Variants in MUC3A observed in about 807,000 individuals in gnomAD.
MUC3A encodes mucin-3A.
MUC3A carries 109 observed loss-of-function variants against 109.0 expected under a neutral mutation model. The ratio of observed to expected loss-of-function variants is 1.00; its 90% CI spans 0.86 to 1.17. The LOEUF (loss-of-function observed/expected upper bound fraction) is 1.17. Among genes scored for constraint, MUC3A ranks in the 50% most tolerant of loss-of-function variants. The probability of loss-of-function intolerance (pLI) is 0.00; values close to 1 mark genes in which losing one functional copy is unlikely to be tolerated. For missense variants in MUC3A, 3,537 were observed against 2,469.4 expected (o/e 1.43, Z -9.16); for synonymous variants, 1,398 against 981.4 (o/e 1.42, Z -7.93).
chr7:100,964,966 G>A (rs145676439), intron 6 of MUC3A, 123 bp downstream of exon 6: 3,617 of 1,413,050 alleles, frequency 2.6e-3, no homozygotes, highest in Non-Finnish European at 2.8e-3. Context: ...TTGGGAGAAG[G>A]GGAATAAGTC....
At position 100,956,759 on chromosome 7, in the gene MUC3A, A is replaced by C. The variant is rs925604745; in HGVS notation, c.4980A>C (p.Thr1660=). The part of the protein sequence containing the change: ...TRSLLTSFPV[T]HSFSSSMSAS... ...CCCTCCTGACAAGCTTTCCAGTGAC[A>C]CATTCATTTTCCTCTTCCATGTCTG... The change falls in exon 2 of 12, where the codon ACA becomes ACC. Residue 1660 remains threonine, a synonymous_variant. Coordinates refer to ENST00000379458, the MANE Select transcript of MUC3A (RefSeq NM_005960.2). The C allele has an allele frequency of 2.6e-6, 1 of 386,200 alleles. No individual in the cohort carries two copies. The highest frequency in any genetic ancestry group is 2.3e-5 in the African/African-American group (1 of 42,950). 23.9% of individuals were successfully genotyped at this position (386,200 alleles called of 1,614,324 possible).
chr7:100,958,209 T>A lies in MUC3A; in HGVS notation c.6430T>A (p.Phe2144Ile). Residue 2144 changes from phenylalanine to isoleucine, a missense_variant, in exon 2 of 12, where the codon TTC (phenylalanine) becomes ATC (isoleucine). By Grantham distance (21) the Phe-to-Ile change is conservative. Coordinates refer to ENST00000379458, the MANE Select transcript of MUC3A (RefSeq NM_005960.2). Reference sequence around the variant, plus strand: ...GAACGCCACACACAGTACTCCCAACTTCACTTCTTCAATCACCACCACCGA... The same window carrying A: ...GAACGCCACACACAGTACTCCCAACATCACTTCTTCAATCACCACCACCGA... ...TENATHSTPN[F>I]TSSITTTETT... The A allele has an allele frequency of 2.7e-6, 2 of 745,504 alleles. No individual in the cohort carries two copies. 46.2% of individuals were successfully genotyped at this position (745,504 alleles called of 1,614,324 possible).
Position 100,963,805 on chromosome 7 carries a change from G to C in MUC3A, c.9233+53G>C, listed in dbSNP as rs536620303. 6.3e-6 allele frequency: 10 copies of C among 1,595,082 alleles called. No individual in the cohort carries two copies. In the South Asian group the frequency reaches 1.1e-4, roughly 18 times the overall value. ...GCGGTGTTGGGTGGGGGAAATGTGC[G>C]CACACAAAAAACCCATTCCTTTCTT... On this transcript the variant is annotated intron_variant, in intron 5 of 11. Coordinates refer to ENST00000379458, the MANE Select transcript of MUC3A (RefSeq NM_005960.2).
chr7:100,957,949 C>T lies in MUC3A; in HGVS notation c.6170C>T (p.Pro2057Leu), dbSNP rs1792146121. ...ACCGAGACCACATCCCACAGTACTC[C>T]CAGCTTCACTTCATTGATCACCATC... ...ITTETTSHST[P>L]SFTSLITITE... is the part of the protein sequence containing the mutation. The change falls in exon 2 of 12, where the codon CCC becomes CTC. Residue 2057 changes from proline (P) to leucine (L), a missense_variant. By Grantham distance (98) the Pro-to-Leu change is moderately conservative. Coordinates refer to ENST00000379458, the MANE Select transcript of MUC3A (RefSeq NM_005960.2). The T allele has an allele frequency of 2.5e-6, 2 of 795,160 alleles. No individual in the cohort carries two copies. Among genetic ancestry groups the T allele is most frequent in the East Asian group, 2.4e-5 (1 of 41,330 alleles). 49.3% of individuals were successfully genotyped at this position (795,160 alleles called of 1,614,324 possible). A position where few individuals can be genotyped will look rare whatever the true frequency, so the allele number is the denominator to read the frequency against.
Position 100,952,144 on chromosome 7 carries a change from A to T in MUC3A, c.365A>T (p.Tyr122Phe). 1 of 1,598,554 alleles carries T rather than the reference A, an allele frequency of 6.3e-7. No homozygotes were observed. ...VETTPPTVLV[Y>F]SATTECVYPT... ...ACCACTCCACCCACCGTGTTGGTCT[A>T]TTCAGCCACCACTGAGTGCGTGTAT... The change falls in exon 2 of 12, where the codon TAT becomes TTT. Residue 122 changes from tyrosine to phenylalanine, a missense_variant. Coordinates refer to ENST00000379458, the MANE Select transcript of MUC3A (RefSeq NM_005960.2).
Position 100,960,204 on chromosome 7 carries a change from A to T in MUC3A, c.8425A>T (p.Thr2809Ser). 6.3e-7 allele frequency: 1 copy of T among 1,594,352 alleles called. No individual in the cohort carries two copies. Among genetic ancestry groups the T allele is most frequent in the East Asian group, 2.2e-5 (1 of 44,812 alleles). ...PTTPLTVFPF[T>S]TEMVTCPTSI... ...CACCCCATTAACAGTCTTTCCCTTT[A>T]CTACCGAAATGGTCACCTGTCCTAC... The change falls in exon 2 of 12, where the codon ACT becomes TCT. Residue 2809 changes from threonine to serine, a missense_variant. Thr to Ser is a moderately conservative substitution (Grantham distance 58). Coordinates refer to ENST00000379458, the MANE Select transcript of MUC3A (RefSeq NM_005960.2).
intron 4 of MUC3A, 143 bp from the exon 5 acceptor site, chr7:100,963,545 A>C (rs1792414270): frequency 7.6e-7 from 1 of 1,308,522 alleles, no homozygotes. Flanking sequence ...TCGTCCTCCC[A>C]AAGTGTTGGG....
Position 100,965,876 on chromosome 7 carries a change from C to A in MUC3A, c.9611+10C>A, listed in dbSNP as rs773263045. 6.9e-6 allele frequency: 11 copies of A among 1,587,436 alleles called. No homozygotes were observed. In the South Asian group the frequency reaches 7.8e-5, roughly 11 times the overall value. ...GCGGTCCCACGTGTCGGTAAGGCCC[C>A]GCTCACCATCGGCATCAGCCGAGCC... On this transcript the variant is annotated intron_variant, in intron 8 of 11. Coordinates refer to ENST00000379458, the MANE Select transcript of MUC3A (RefSeq NM_005960.2).
chr7:100,958,473 A>T lies in MUC3A; in HGVS notation c.6694A>T (p.Thr2232Ser). Residue 2232 changes from threonine (T) to serine (S), a missense_variant, in exon 2 of 12, where the codon ACA becomes TCA. By Grantham distance (58) the Thr-to-Ser change is moderately conservative (BLOSUM62 1). Coordinates refer to ENST00000379458, the MANE Select transcript of MUC3A (RefSeq NM_005960.2). ...FSSSITTTET[T>S]SHSTPGFTSS... ...TTCTTCGATCACCACCACTGAGACC[A>T]CATCCCACAGTACTCCCGGCTTCAC... 1.6e-6 allele frequency: 2 copies of T among 1,257,376 alleles called. No individual in the cohort carries two copies. Among genetic ancestry groups the T allele is most frequent in the African/African-American group, 1.7e-5 (1 of 57,210 alleles). The allele number at this position is 1,257,376 out of a possible 1,614,324, so 77.9% of individuals were successfully genotyped here.
At position 100,960,887 on chromosome 7, in the gene MUC3A, G is replaced by C. The variant is rs1204437086; in HGVS notation, c.9002G>C (p.Ser3001Thr). ...GATGGCCTCAAATGCCAGTGCCCCA[G>C]CACCTTCTATGGTTCCAGTTGTGAG... The part of the protein sequence containing the change: ...QWDGLKCQCP[S>T]TFYGSSCEFA... The change falls in exon 3 of 12, where the codon AGC (serine) becomes ACC (threonine). Residue 3001 changes from serine (S) to threonine (T), a missense_variant. Ser to Thr is a moderately conservative substitution (Grantham distance 58). Transcript: ENST00000379458. 2 of 1,598,414 alleles carry C rather than the reference G, an allele frequency of 1.3e-6. No individual in the cohort carries two copies. Among genetic ancestry groups the C allele is most frequent in the Non-Finnish European group, 1.7e-6 (2 of 1,179,816 alleles).
chr7:100,964,928 G>C lies in MUC3A; in HGVS notation c.9382+85G>C, dbSNP rs587705920. Reference sequence around the variant, plus strand: ...TCAGCCAGGGGGCCACTGGGCTCAGGTGCCAGCCCTGTGGTACCTCTGGCA... The same window carrying C: ...TCAGCCAGGGGGCCACTGGGCTCAGCTGCCAGCCCTGTGGTACCTCTGGCA... On this transcript the variant is annotated intron_variant, in intron 6 of 11. Transcript: ENST00000379458. 154 of 1,491,196 alleles carry C rather than the reference G, an allele frequency of 1.0e-4. No individual in the cohort carries two copies. In the African/African-American group the frequency reaches 2.0e-3, roughly 19 times the overall value. 92.4% of individuals were successfully genotyped at this position (1,491,196 alleles called of 1,614,324 possible). A position where few individuals can be genotyped will look rare whatever the true frequency, so the allele number is the denominator to read the frequency against.
chr7:100,967,116 G>A lies in MUC3A; in HGVS notation c.9931-5G>A. The A allele has an allele frequency of 6.3e-7, 1 of 1,598,548 alleles. No homozygotes were observed. The highest frequency in any genetic ancestry group is 1.1e-5 in the South Asian group (1 of 91,092). On this transcript the variant is annotated splice_region_variant and splice_polypyrimidine_tract_variant and intron_variant, in intron 11 of 11. Transcript: ENST00000379458. ...CGTTCCCGTCCCTCACTGTGACTCT[G>A]ACAGGTGCACATCAAGAGACCCGAG...
At chr7:100,965,098 CA>C in intron 6 of MUC3A, 183 bp from the exon 7 acceptor site, 2 of 1,126,096 alleles carry the variant, frequency 1.8e-6, no homozygotes, top group Non-Finnish European at 2.5e-6. Context: ...TCGGATTATT[CA>C]GGGGAGATGA....
chr7:100,965,160 T>TC, intron 6 of MUC3A, 122 bp from the exon 7 acceptor site: 3 of 1,382,668 alleles, frequency 2.2e-6, no homozygotes, highest in Non-Finnish European at 1.9e-6. Context: ...GGGAGAGGGC[T>TC]CTCCCAGACG....
chr7:100,966,395 C>T lies in MUC3A; in HGVS notation c.9621C>T (p.Ser3207=), dbSNP rs766820756. The change falls in exon 9 of 12, where the codon TCC becomes TCT. Residue 3207 remains serine (S), a synonymous_variant. Transcript: ENST00000379458. ...CTGCGATCTCCCGCAGCTGCTACTC[C>T]ACCGACACGCACTGGTTCTCTGGCC... ...ETSGPTCRCY[S]TDTHWFSGPR... is the part of the protein sequence containing the mutation. 11 of 1,339,618 alleles carry T rather than the reference C, an allele frequency of 8.2e-6. No homozygotes were observed. In the East Asian group the frequency reaches 2.8e-4, roughly 34 times the overall value. The allele number at this position is 1,339,618 out of a possible 1,614,324, so 83.0% of individuals were successfully genotyped here. A position where few individuals can be genotyped will look rare whatever the true frequency, so the allele number is the denominator to read the frequency against.
rs1192449235 is a variant in MUC3A, at chr7:100,954,902, T to A, written c.3123T>A (p.Ser1041Arg). Residue 1041 changes from serine to arginine, a missense_variant, in exon 2 of 12, where the codon AGT becomes AGA. Ser to Arg is a moderately radical substitution (Grantham distance 110). Coordinates refer to ENST00000379458, the MANE Select transcript of MUC3A (RefSeq NM_005960.2). Reference sequence around the variant, plus strand: ...CTAATACATTATCACCACTCACCAGTAGCATTTTATCTTCTACACCTGTCC... The same window carrying A: ...CTAATACATTATCACCACTCACCAGAAGCATTTTATCTTCTACACCTGTCC... The part of the protein sequence containing the change: ...TATNTLSPLT[S>R]SILSSTPVPS... 481 of 530,270 alleles carry A rather than the reference T, an allele frequency of 9.1e-4. 1 individual carries two copies. Among genetic ancestry groups the A allele is most frequent in the Non-Finnish European group, 3.3e-5 (10 of 301,254 alleles). 32.8% of individuals were successfully genotyped at this position (530,270 alleles called of 1,614,324 possible).
At chr7:100,951,358 G>T (rs1372730162) in intron 1 of MUC3A, among the ~76,000 whole-genome samples, 1 of 152,298 alleles carries the variant, frequency 6.6e-6, no homozygotes, top group African/African-American at 2.4e-5. Flanking sequence ...GACATGGCTG[G>T]GTTCTCTCTT....
At chr7:100,963,654 T>G in intron 4 of MUC3A, 34 bp from the exon 5 acceptor site, 2 of 1,598,376 alleles carry the variant, frequency 1.3e-6, no homozygotes, top group Middle Eastern at 1.7e-4. Context: ...GTCTGCAGGT[T>G]CGGACGTGAG....
intron 3 of MUC3A, among the ~76,000 whole-genome samples, chr7:100,961,519 G>A (rs1251556118): frequency 2.0e-5 from 3 of 152,310 alleles, no homozygotes; most frequent in Admixed American, 2.0e-4. Context: ...AATAGTCTAT[G>A]TTAATTTTCT....
Sources: gnomAD v4.1 joint callset for allele counts (sites outside exome capture counted in the v4.1 genomes callset) on GRCh38, gnomAD v4.1.1 for gene constraint, MANE v1.5 for transcripts, NCBI Gene and HGNC (gene_info 2026-07-23, HGNC 2026-07-21) for gene names.